LDB2: variants seen among roughly 807,000 people sequenced by gnomAD.
The protein encoded by LDB2 is LIM domain-binding protein 2.
A neutral mutation model predicts 44.3 loss-of-function variants in LDB2; 12 were observed. That is an observed-to-expected ratio of 0.27 (90% CI 0.17 to 0.44). LDB2 has a LOEUF of 0.44. Ranked by LOEUF, LDB2 falls within the 20% of genes least tolerant of loss-of-function variation. The pLI, the probability that LDB2 is intolerant of heterozygous loss-of-function variation, is 1.00. For missense variants in LDB2, 344 were observed against 473.5 expected (o/e 0.73, Z 2.54); for synonymous variants, 164 against 174.8 (o/e 0.94, Z 0.49).
intron 2 of LDB2, among the ~76,000 whole-genome samples, chr4:16,681,817 C>G (rs948354555): frequency 6.6e-6 from 1 of 151,692 alleles, no homozygotes. Context: ...GTGATCTGCC[C>G]GCCTTGGCCT....
At chr4:16,843,089 T>A (rs1344041682) in intron 1 of LDB2, among the ~76,000 whole-genome samples, 1 of 152,198 alleles carries the variant, frequency 6.6e-6, no homozygotes. Flanking sequence ...TTGCAATCAT[T>A]CAGTATATAC....
chr4:16,672,580 A>T (rs2152558844), intron 2 of LDB2, among the ~76,000 whole-genome samples: 1 of 152,294 alleles, frequency 6.6e-6, no homozygotes, highest in Non-Finnish European at 1.5e-5. Flanking sequence ...TCCTTATTAA[A>T]AACAGAAAAT....
At chr4:16,853,542 T>A (rs61661506) in intron 1 of LDB2, among the ~76,000 whole-genome samples, 2,514 of 152,284 alleles carry the variant, frequency 0.017, 85 homozygotes, top group African/African-American at 0.057. Flanking sequence ...TATAGATTGG[T>A]ACAGCCATTA....
intron 1 of LDB2, among the ~76,000 whole-genome samples, chr4:16,781,400 G>A (rs930725696): frequency 2.0e-5 from 3 of 152,166 alleles, no homozygotes; most frequent in African/African-American, 7.2e-5. Context: ...CAGACTTTGA[G>A]TTAGAAAATA....
rs552431777 is a variant in LDB2 at position 16,561,187 on chromosome 4, T to C, written c.615+24735A>G. ...CAGGGATGCCCTCTCTCACCACTCC[T>C]ATTCAACATAGTGTTGGAAGTTCTG... On this transcript the variant is annotated intron_variant, in intron 5 of 7. Transcript: ENST00000304523. Among the ~76,000 whole-genome samples, 819 of 152,172 alleles carry C rather than the reference T, an allele frequency of 5.4e-3. 7 individuals carry two copies. Among genetic ancestry groups the C allele is most frequent in the African/African-American group, 0.019 (775 of 41,502 alleles).
At chr4:16,651,745 T>G (rs911393041) in intron 2 of LDB2, among the ~76,000 whole-genome samples, 1 of 152,322 alleles carries the variant, frequency 6.6e-6, no homozygotes, top group African/African-American at 2.4e-5. Context: ...ACTATGACCC[T>G]GTCTTCTTTG....
At chr4:16,573,658 A>G (rs1174744784) in intron 5 of LDB2, among the ~76,000 whole-genome samples, 1 of 152,164 alleles carries the variant, frequency 6.6e-6, no homozygotes, top group Non-Finnish European at 1.5e-5. Flanking sequence ...GCATTGAGTG[A>G]GGCATAGGAG....
At chr4:16,579,742 G>A (rs966831467) in intron 5 of LDB2, among the ~76,000 whole-genome samples, 1 of 152,152 alleles carries the variant, frequency 6.6e-6, no homozygotes, top group Non-Finnish European at 1.5e-5. Context: ...ATTCAACTGA[G>A]TTTTATTTGT....
intron 1 of LDB2, among the ~76,000 whole-genome samples, chr4:16,830,639 G>GACT (rs1554040782): frequency 1.3e-5 from 2 of 152,208 alleles, no homozygotes; most frequent in Non-Finnish European, 2.9e-5. Flanking sequence ...TTAAGAGCAA[G>GACT]CATATTCCTT....
At chr4:16,765,724 G>A (rs1431798257) in intron 1 of LDB2, among the ~76,000 whole-genome samples, 2 of 152,224 alleles carry the variant, frequency 1.3e-5, no homozygotes, top group Non-Finnish European at 2.9e-5. Context: ...TCTAACCTCA[G>A]TGGCTAGGGG....
At chr4:16,684,684 AT>A (rs1457734211) in intron 2 of LDB2, among the ~76,000 whole-genome samples, 1 of 152,202 alleles carries the variant, frequency 6.6e-6, no homozygotes, top group Non-Finnish European at 1.5e-5. Flanking sequence ...CAGTAGAAAC[AT>A]TTGGACCTTT....
chr4:16,561,897 C>G (rs1405010110), intron 5 of LDB2, among the ~76,000 whole-genome samples: 3 of 152,054 alleles, frequency 2.0e-5, no homozygotes, highest in African/African-American at 7.2e-5. Flanking sequence ...CAGAACAGAG[C>G]CCTCAGAAAT....
chr4:16,561,545 A>G (rs528352191), intron 5 of LDB2, among the ~76,000 whole-genome samples: 1 of 152,296 alleles, frequency 6.6e-6, no homozygotes, highest in Non-Finnish European at 1.5e-5. Flanking sequence ...AGAACTACAA[A>G]CCACTGCTCA....
chr4:16,823,948 C>T (rs907969156), intron 1 of LDB2, among the ~76,000 whole-genome samples: 2 of 152,198 alleles, frequency 1.3e-5, no homozygotes, highest in African/African-American at 4.8e-5. Context: ...GGATTTGATT[C>T]GTTTTCAAAG....
intron 2 of LDB2, among the ~76,000 whole-genome samples, chr4:16,650,787 G>C (rs764257956): frequency 6.6e-6 from 1 of 152,128 alleles, no homozygotes; most frequent in Non-Finnish European, 1.5e-5. Flanking sequence ...CTGTCACAAA[G>C]TAGCCCCATT....
In LDB2 at chr4:16,561,829, C is replaced by G. The variant is rs188693142; in HGVS notation, c.615+24093G>C. Among the ~76,000 whole-genome samples, 448 of 152,258 alleles carry G rather than the reference C, an allele frequency of 2.9e-3. 2 individuals are homozygous for G. Among genetic ancestry groups the G allele is most frequent in the African/African-American group, 0.01 (421 of 41,542 alleles). On this transcript the variant is annotated intron_variant, in intron 5 of 7. Transcript: ENST00000304523. The stretch of plus-strand genomic sequence containing the variant: ...ACCTGACTTCAAACTATACTACAGG[C>G]TACAGTAACCAAAACAGCATGGTAC...
chr4:16,829,892 G>A (rs970314639), intron 1 of LDB2, among the ~76,000 whole-genome samples: 2 of 152,212 alleles, frequency 1.3e-5, no homozygotes, highest in Admixed American at 1.3e-4. Flanking sequence ...AGATCACGAG[G>A]TCAAGAGATT....
chr4:16,898,503 A>G lies in LDB2; in HGVS notation c.-18T>C. The G allele has an allele frequency of 6.2e-7, 1 of 1,612,518 alleles. No homozygotes were observed. Among genetic ancestry groups the G allele is most frequent in the Middle Eastern group, 1.7e-4 (1 of 6,048 alleles). ...CTGGACATCTTGCCTGCTTTTCGAA[A>G]ATCAAGCTAAACAGAGTATCAGTAA... On this transcript the variant is annotated 5_prime_UTR_variant, in exon 1 of 8. Transcript: ENST00000304523.
chr4:16,830,817 A>C (rs1174496193), intron 1 of LDB2, among the ~76,000 whole-genome samples: 1 of 152,200 alleles, frequency 6.6e-6, no homozygotes, highest in Non-Finnish European at 1.5e-5. Context: ...CATTTGGTTC[A>C]TGAAAGGAAG....
Sources: allele counts gnomAD v4.1 joint callset (sites outside exome capture counted in the v4.1 genomes callset), GRCh38; gene constraint gnomAD v4.1.1; transcripts MANE v1.5; gene names NCBI Gene and HGNC (gene_info 2026-07-23, HGNC 2026-07-21).